The following TUT4 variants were observed in gnomAD, a reference collection of about 807,000 sequenced individuals.
TUT4 encodes the protein terminal uridylyltransferase 4.
A neutral mutation model predicts 192.2 loss-of-function variants in TUT4; 36 were observed. That is an observed-to-expected ratio of 0.19 (90% CI 0.14 to 0.25). TUT4 has a LOEUF of 0.25. Among genes scored for constraint, TUT4 ranks in the 10% least tolerant of loss-of-function variants. The pLI is 1.00. For synonymous variants in TUT4, 618 were observed against 666.0 expected, an observed-to-expected ratio of 0.93 and a Z score of 1.11; for missense variants, 1,493 against 1,957.2, an observed-to-expected ratio of 0.76 and a Z score of 4.47.
At chr1:52,509,775 T>C (rs375228693) in intron 3 of TUT4, 63 bp from the exon 4 acceptor site, 2 of 906,092 alleles carry the variant, frequency 2.2e-6, no homozygotes, top group East Asian at 2.4e-5. Context: ...CTATTGACTA[T>C]ATAAGTGAAT....
intron 24 of TUT4, among the ~76,000 whole-genome samples, chr1:52,439,024 C>T (rs1484778439): frequency 2.0e-5 from 3 of 147,484 alleles, no homozygotes; most frequent in Non-Finnish European, 4.4e-5. Flanking sequence ...AAGCAAAGAT[C>T]GTGCCACTGC....
intron 9 of TUT4, among the ~76,000 whole-genome samples, chr1:52,486,212 C>T (rs1211267714): frequency 6.6e-6 from 1 of 152,084 alleles, no homozygotes; most frequent in African/African-American, 2.4e-5. Context: ...AGAGAGAGCT[C>T]TTAAAACCCA....
intron 2 of TUT4, among the ~76,000 whole-genome samples, chr1:52,521,627 T>C (rs1007247649): frequency 2.6e-5 from 4 of 151,586 alleles, no homozygotes; most frequent in African/African-American, 9.7e-5. Context: ...ATCGCGCCAC[T>C]GCACTCCAGC....
chr1:52,448,588 CAAAAAAAAAA>C (rs1190767355), intron 20 of TUT4, among the ~76,000 whole-genome samples: 3 of 40,812 alleles, frequency 7.4e-5, no homozygotes, highest in East Asian at 8.3e-4. Context: ...GATTCTGTCT[CAAAAAAAAAA>C]AAAAAAAAAA....
At position 52,458,253 on chromosome 1, in the gene TUT4, A is replaced by G. The variant is rs1661522995; in HGVS notation, c.3435+83T>C. On this transcript the variant is annotated intron_variant, in intron 20 of 29. Coordinates refer to ENST00000257177, the MANE Select transcript of TUT4 (RefSeq NM_001009881.3). Reference sequence around the variant, plus strand: ...AACCATGATGGAAAAATCCTTCATGATGACATGAACCAAGCAAAATCTCCT... The same window carrying G: ...AACCATGATGGAAAAATCCTTCATGGTGACATGAACCAAGCAAAATCTCCT... The G allele has an allele frequency of 6.8e-6, 6 of 879,012 alleles. No homozygotes were observed. The East Asian group carries it at 1.5e-4, about 23-fold the overall frequency. 54.5% of individuals were successfully genotyped at this position (879,012 alleles called of 1,614,324 possible). A position where few individuals can be genotyped will look rare whatever the true frequency, so the allele number is the denominator to read the frequency against.
chr1:52,547,332 C>G (rs1342879669), intron 1 of TUT4, among the ~76,000 whole-genome samples: 2 of 151,684 alleles, frequency 1.3e-5, no homozygotes, highest in Admixed American at 1.3e-4. Flanking sequence ...AAATGCAAAT[C>G]AAACCCACAA....
At chr1:52,439,205 G>A (rs1239206340) in intron 24 of TUT4, among the ~76,000 whole-genome samples, 1 of 152,082 alleles carries the variant, frequency 6.6e-6, no homozygotes, top group Non-Finnish European at 1.5e-5. Flanking sequence ...ACTCCAGCCT[G>A]GACGAAGTGG....
At chr1:52,460,378 A>T (rs1353322760) in intron 19 of TUT4, among the ~76,000 whole-genome samples, 2 of 152,076 alleles carry the variant, frequency 1.3e-5, no homozygotes, top group Non-Finnish European at 2.9e-5. Flanking sequence ...GCTACTTGGG[A>T]GGCTGAGGCA....
intron 1 of TUT4, among the ~76,000 whole-genome samples, chr1:52,529,534 AT>A (rs1682774401): frequency 2.0e-5 from 3 of 152,278 alleles, no homozygotes; most frequent in Non-Finnish European, 4.4e-5. Flanking sequence ...AGTAACCAAA[AT>A]ATCTTTAAAT....
At chr1:52,505,855 G>C (rs1219518530) in intron 4 of TUT4, among the ~76,000 whole-genome samples, 1 of 151,638 alleles carries the variant, frequency 6.6e-6, no homozygotes, top group Non-Finnish European at 1.5e-5. Context: ...GTTGTTTTTT[G>C]AGATGAAGTC....
chr1:52,479,991 T>C (rs752606355), intron 11 of TUT4, among the ~76,000 whole-genome samples: 1 of 128,086 alleles, frequency 7.8e-6, no homozygotes, highest in Non-Finnish European at 1.6e-5. Flanking sequence ...CGAGACTCCG[T>C]CTCAGGAAAA....
At position 52,425,345 on chromosome 1, in the gene TUT4, G is replaced by A. The variant is rs1286865139; in HGVS notation, c.4870+4C>T. The A allele has an allele frequency of 2.5e-6, 4 of 1,613,096 alleles. No homozygotes were observed. The Admixed American group carries it at 6.7e-5, about 27-fold the overall frequency. On this transcript the variant is annotated splice_donor_region_variant and intron_variant, in intron 29 of 29. Transcript: ENST00000257177. The stretch of plus-strand genomic sequence containing the variant: ...CCTGTTAACTAATTTGTAAGCAGTG[G>A]TACCTTGAGTATAGAAAGGTTTGTT...
intron 29 of TUT4, chr1:52,424,206 A>C: frequency 1.8e-6 from 1 of 556,102 alleles, no homozygotes; most frequent in South Asian, 2.2e-5. Context: ...AGAGGACACG[A>C]AAGATGGAGA....
intron 11 of TUT4, among the ~76,000 whole-genome samples, chr1:52,480,928 G>A (rs1668341762): frequency 6.6e-6 from 1 of 152,146 alleles, no homozygotes; most frequent in Non-Finnish European, 1.5e-5. Flanking sequence ...CTGTAATAAT[G>A]CATCTGTCCA....
chr1:52,453,233 T>A (rs1659960979), intron 20 of TUT4, among the ~76,000 whole-genome samples: 2 of 151,672 alleles, frequency 1.3e-5, no homozygotes, highest in African/African-American at 4.8e-5. Context: ...TACAAAAAAA[T>A]TAGCCGGGCA....
chr1:52,471,743 A>G lies in TUT4; in HGVS notation c.2878+209T>C, dbSNP rs150239193. 6.1e-3 allele frequency among the ~76,000 whole-genome samples: 932 copies of G among 152,316 alleles called. 12 individuals carry two copies. The highest frequency in any genetic ancestry group is 0.022 in the African/African-American group (902 of 41,566). On this transcript the variant is annotated intron_variant, in intron 14 of 29. Transcript: ENST00000257177. ...TCATATCCATATTTTAAGCTCCTTA[A>G]AAGCAATATATATGGACTCTCAATT... is the stretch of plus-strand genomic sequence containing the variant.
intron 16 of TUT4, among the ~76,000 whole-genome samples, chr1:52,464,445 G>A (rs1663520662): frequency 6.6e-6 from 1 of 151,782 alleles, no homozygotes; most frequent in Non-Finnish European, 1.5e-5. Context: ...TCGTAGAGAC[G>A]GGGTTTCACC....
At chr1:52,441,186 CTATT>C (rs1339712207) in intron 24 of TUT4, among the ~76,000 whole-genome samples, 4 of 150,986 alleles carry the variant, frequency 2.6e-5, no homozygotes, top group African/African-American at 9.8e-5. Context: ...AGCTAAAGGA[CTATT>C]TATTTGATAC....
Position 52,435,470 on chromosome 1 carries a change from G to A in TUT4, c.4163-5C>T, listed in dbSNP as rs771858794. 1.9e-4 allele frequency: 301 copies of A among 1,613,202 alleles called. 5 individuals are homozygous for A. In the Middle Eastern group the frequency reaches 2.8e-3, roughly 15 times the overall value. On this transcript the variant is annotated splice_polypyrimidine_tract_variant and splice_region_variant and intron_variant, in intron 26 of 29. Coordinates refer to ENST00000257177, the MANE Select transcript of TUT4 (RefSeq NM_001009881.3). ...GGTTGCGGACCAGCTGGGCTGCTAAGAGAAGGCATCACAAAGAAAATCAAC... is the reference window on the plus strand; with the variant it reads ...GGTTGCGGACCAGCTGGGCTGCTAAAAGAAGGCATCACAAAGAAAATCAAC...
Sources: gnomAD v4.1 joint callset for allele counts (sites outside exome capture counted in the v4.1 genomes callset) on GRCh38, gnomAD v4.1.1 for gene constraint, MANE v1.5 for transcripts, NCBI Gene and HGNC (gene_info 2026-07-23, HGNC 2026-07-21) for gene names.